Variants in SUGCT observed in about 807,000 individuals in gnomAD.
SUGCT encodes succinyl-CoA:glutarate-CoA transferase.
Under a neutral mutation model 55.0 loss-of-function variants are expected in SUGCT, and 41 were observed. The ratio of observed to expected loss-of-function variants is 0.74; its 90% confidence interval spans 0.58 to 0.97. The LOEUF is 0.97. SUGCT is among the 50% of genes least tolerant of loss of function. SUGCT has a pLI of 0.00. For missense variants in SUGCT, 568 were observed against 547.8 expected (o/e 1.04, Z -0.37); for synonymous variants, 187 against 200.4 (o/e 0.93, Z 0.56).
chr7:40,605,654 T>G (rs1353771400), intron 12 of SUGCT, among the ~76,000 whole-genome samples: 1 of 152,090 alleles, frequency 6.6e-6, no homozygotes, highest in Non-Finnish European at 1.5e-5. Context: ...GAGGAGAACT[T>G]AAAAAACACA....
intron 12 of SUGCT, among the ~76,000 whole-genome samples, chr7:40,614,910 G>C (rs1466031518): frequency 6.6e-6 from 1 of 151,964 alleles, no homozygotes; most frequent in Non-Finnish European, 1.5e-5. Context: ...ACAAAAAATA[G>C]CCGGGCATGG....
chr7:40,431,768 ATATTT>A (rs1787907526), intron 9 of SUGCT, among the ~76,000 whole-genome samples: 1 of 152,052 alleles, frequency 6.6e-6, no homozygotes, highest in African/African-American at 2.4e-5. Context: ...TTCTATTTAG[ATATTT>A]TATTTTTTAT....
intron 9 of SUGCT, among the ~76,000 whole-genome samples, chr7:40,319,575 T>C (rs967017183): frequency 3.3e-5 from 5 of 152,176 alleles, no homozygotes; most frequent in Admixed American, 2.0e-4. Context: ...ATCTGAAAGA[T>C]TGTATACCTC....
At chr7:40,340,025 GAGC>G (rs1473969599) in intron 9 of SUGCT, among the ~76,000 whole-genome samples, 1 of 152,162 alleles carries the variant, frequency 6.6e-6, no homozygotes, top group African/African-American at 2.4e-5. Context: ...GGGATATCAG[GAGC>G]TTCTTAGACT....
Position 40,847,145 on chromosome 7 carries a change from G to A in SUGCT, c.1154-13171G>A, listed in dbSNP as rs529961642. Reference sequence around the variant, plus strand: ...TTTCTCCTCTAGTCCAGGCAAGTGGGTCTCTACACTGAAACTGAGGCATGT... The same window carrying A: ...TTTCTCCTCTAGTCCAGGCAAGTGGATCTCTACACTGAAACTGAGGCATGT... On this transcript the variant is annotated intron_variant, in intron 13 of 13. Transcript: ENST00000335693. 2.2e-4 allele frequency among the ~76,000 whole-genome samples: 33 copies of A among 152,236 alleles called. No homozygotes were observed. The East Asian group carries it at 4.5e-3, about 21-fold the overall frequency.
chr7:40,597,854 C>A (rs2151747309), intron 12 of SUGCT, among the ~76,000 whole-genome samples: 1 of 152,242 alleles, frequency 6.6e-6, no homozygotes, highest in Non-Finnish European at 1.5e-5. Context: ...GTTCCTGTAA[C>A]ATAATTCAGC....
the SUGCT span, among the ~76,000 whole-genome samples, chr7:41,038,675 C>T: frequency 6.6e-6 from 1 of 152,148 alleles, no homozygotes; most frequent in Non-Finnish European, 1.5e-5. Flanking sequence ...TGGCTCTATT[C>T]ACAGAAGGAG....
intron 13 of SUGCT, among the ~76,000 whole-genome samples, chr7:40,846,876 T>G (rs1191990223): frequency 6.6e-6 from 1 of 152,204 alleles, no homozygotes; most frequent in African/African-American, 2.4e-5. Context: ...AACCCCACTT[T>G]CTTCATTGAG....
At chr7:40,839,266 A>T (rs1211610318) in intron 13 of SUGCT, among the ~76,000 whole-genome samples, 1 of 152,106 alleles carries the variant, frequency 6.6e-6, no homozygotes, top group Non-Finnish European at 1.5e-5. Flanking sequence ...TTTTAGAGAC[A>T]GGATCTTGCT....
intron 6 of SUGCT, among the ~76,000 whole-genome samples, chr7:40,222,485 T>C (rs1788072284): frequency 6.6e-6 from 1 of 152,198 alleles, no homozygotes; most frequent in Non-Finnish European, 1.5e-5. Flanking sequence ...ACTGATGGTT[T>C]TTCTTAAGTG....
chr7:40,665,067 G>T (rs1229441190), intron 12 of SUGCT, among the ~76,000 whole-genome samples: 1 of 151,414 alleles, frequency 6.6e-6, no homozygotes, highest in African/African-American at 2.4e-5. Context: ...TTTTACTAAT[G>T]CTGTATTATT....
chr7:41,008,362 AG>A, the SUGCT span, among the ~76,000 whole-genome samples: 34 of 152,168 alleles, frequency 2.2e-4, no homozygotes, highest in Non-Finnish European at 3.8e-4. Flanking sequence ...TGGAGCCTGG[AG>A]GAACCTCCTG....
At chr7:40,766,212 A>T (rs1788781396) in intron 13 of SUGCT, among the ~76,000 whole-genome samples, 2 of 152,142 alleles carry the variant, frequency 1.3e-5, no homozygotes, top group Non-Finnish European at 2.9e-5. Context: ...TTAAATCTTT[A>T]GTTATTTATC....
intron 12 of SUGCT, among the ~76,000 whole-genome samples, chr7:40,621,853 T>C (rs1168557364): frequency 6.6e-6 from 1 of 152,222 alleles, no homozygotes; most frequent in Non-Finnish European, 1.5e-5. Context: ...CAAATATTTC[T>C]GCCCATTGTT....
chr7:40,486,499 T>G (rs1213018706), intron 11 of SUGCT, among the ~76,000 whole-genome samples: 1 of 152,088 alleles, frequency 6.6e-6, no homozygotes, highest in Non-Finnish European at 1.5e-5. Flanking sequence ...ATATTTCCAT[T>G]GATTTATAAT....
the SUGCT span, among the ~76,000 whole-genome samples, chr7:40,948,094 G>C: frequency 2.0e-5 from 3 of 152,172 alleles, no homozygotes; most frequent in Admixed American, 1.3e-4. Context: ...TAGATTGTTT[G>C]TTTTACAAAG....
At chr7:41,027,692 T>A in the SUGCT span, among the ~76,000 whole-genome samples, 2 of 152,198 alleles carry the variant, frequency 1.3e-5, no homozygotes, top group Non-Finnish European at 2.9e-5. Context: ...ATAAACCAGT[T>A]GTCTCATGTA....
chr7:40,600,376 T>C (rs747994167), intron 12 of SUGCT, among the ~76,000 whole-genome samples: 2 of 152,200 alleles, frequency 1.3e-5, no homozygotes, highest in Non-Finnish European at 2.9e-5. Context: ...CCAGGCATCA[T>C]TGTGGCTAGA....
intron 1 of SUGCT, among the ~76,000 whole-genome samples, chr7:40,138,726 T>G (rs895901858): frequency 1.4e-4 from 21 of 152,322 alleles, no homozygotes; most frequent in Admixed American, 4.6e-4. Flanking sequence ...ATTGTGGTTT[T>G]TAATTTGTAT....
Sources: gnomAD v4.1 joint callset for allele counts (sites outside exome capture counted in the v4.1 genomes callset) on GRCh38, gnomAD v4.1.1 for gene constraint, MANE v1.5 for transcripts, NCBI Gene and HGNC (gene_info 2026-07-23, HGNC 2026-07-21) for gene names.